The following RAB1A variants were observed in gnomAD, a reference collection of about 807,000 sequenced individuals.
The protein encoded by RAB1A is RAB1A, member RAS oncogene family.
A neutral mutation model predicts 26.0 loss-of-function variants in RAB1A; 2 were observed. The ratio of observed to expected loss-of-function variants is 0.08; its 90% CI spans 0.03 to 0.24. The LOEUF is 0.24. Ranked by LOEUF, RAB1A falls within the 10% of genes least tolerant of loss-of-function variation. RAB1A has a pLI of 1.00. For synonymous variants in RAB1A, 84 were observed against 84.9 expected, an observed-to-expected ratio of 0.99 and a Z score of 0.06; for missense variants, 100 against 247.0, an observed-to-expected ratio of 0.40 and a Z score of 3.99.
rs1242203669 is a variant in RAB1A, at chr2:65,086,868, T to C, written c.*1625A>G. 1 of 152,670 alleles carries C rather than the reference T, an allele frequency of 6.6e-6. No individual in the cohort carries two copies. Among genetic ancestry groups the C allele is most frequent in the Admixed American group, 6.5e-5 (1 of 15,288 alleles). 9.5% of individuals were successfully genotyped at this position (152,670 alleles called of 1,614,324 possible). A position where few individuals can be genotyped will look rare whatever the true frequency, so the allele number is the denominator to read the frequency against. ...CACGCCTATAATACAAAGTAAACTATGATTTTTATTGTGAAATTTTCATAG... is the reference window on the plus strand; with the variant it reads ...CACGCCTATAATACAAAGTAAACTACGATTTTTATTGTGAAATTTTCATAG... On this transcript the variant is annotated 3_prime_UTR_variant, in exon 6 of 6. Coordinates refer to ENST00000409784, the MANE Select transcript of RAB1A (RefSeq NM_004161.5).
intron 1 of RAB1A, among the ~76,000 whole-genome samples, chr2:65,116,080 C>G (rs541496995): frequency 6.6e-6 from 1 of 152,196 alleles, no homozygotes; most frequent in South Asian, 2.1e-4. Context: ...TTGCTTGAAC[C>G]TGTGAGGCAG....
chr2:65,096,134 C>A (rs1485525570), intron 3 of RAB1A, among the ~76,000 whole-genome samples: 3 of 150,656 alleles, frequency 2.0e-5, no homozygotes, highest in Non-Finnish European at 4.4e-5. Context: ...GCCTGGGCGA[C>A]AAAGCAAGGC....
At chr2:65,095,301 G>A (rs1437793572) in intron 3 of RAB1A, among the ~76,000 whole-genome samples, 1 of 152,038 alleles carries the variant, frequency 6.6e-6, no homozygotes, top group Non-Finnish European at 1.5e-5. Context: ...CTCCCAAAGT[G>A]CTAGGACTAT....
At chr2:65,097,411 G>A (rs1012750122) in intron 3 of RAB1A, among the ~76,000 whole-genome samples, 2 of 152,180 alleles carry the variant, frequency 1.3e-5, no homozygotes, top group South Asian at 2.1e-4. Flanking sequence ...ACCAGTAACT[G>A]TAGGCAAGTC....
intron 1 of RAB1A, among the ~76,000 whole-genome samples, chr2:65,113,380 C>A (rs368344086): frequency 5.9e-5 from 9 of 152,164 alleles, no homozygotes; most frequent in African/African-American, 2.2e-4. Flanking sequence ...GTGGTGCACA[C>A]CTGTAGTCCC....
intron 1 of RAB1A, among the ~76,000 whole-genome samples, chr2:65,125,864 CTTTTTTTT>C (rs55930968): frequency 7.2e-4 from 54 of 74,734 alleles, no homozygotes; most frequent in East Asian, 4.2e-3. Context: ...TTTCAATTGC[CTTTTTTTT>C]TTTTTTTTTT....
At chr2:65,090,467 C>A (rs999824340) in intron 4 of RAB1A, among the ~76,000 whole-genome samples, 1 of 152,136 alleles carries the variant, frequency 6.6e-6, no homozygotes, top group Non-Finnish European at 1.5e-5. Context: ...ATCGCTCTGC[C>A]CTCTCTCACA....
intron 3 of RAB1A, among the ~76,000 whole-genome samples, chr2:65,095,134 A>G (rs1669253033): frequency 6.6e-6 from 1 of 152,196 alleles, no homozygotes; most frequent in African/African-American, 2.4e-5. Context: ...AAAGAAAAAA[A>G]GAAGAATCAC....
intron 1 of RAB1A, among the ~76,000 whole-genome samples, chr2:65,112,069 C>G (rs1279308940): frequency 6.6e-6 from 1 of 151,356 alleles, no homozygotes; most frequent in Non-Finnish European, 1.5e-5. Flanking sequence ...GGCAACAGAA[C>G]AAGACTCCAT....
chr2:65,099,868 A>C (rs528201780), intron 2 of RAB1A, among the ~76,000 whole-genome samples: 1 of 152,312 alleles, frequency 6.6e-6, no homozygotes, highest in South Asian at 2.1e-4. Flanking sequence ...TAATTACAGA[A>C]AGAGGGACAA....
chr2:65,123,888 T>G (rs1338064490), intron 1 of RAB1A, among the ~76,000 whole-genome samples: 1 of 119,686 alleles, frequency 8.4e-6, no homozygotes, highest in Non-Finnish European at 1.8e-5. Context: ...ACTTCCATCT[T>G]TAAGACAACG....
intron 1 of RAB1A, among the ~76,000 whole-genome samples, chr2:65,110,160 G>A (rs914211374): frequency 2.0e-5 from 3 of 152,168 alleles, no homozygotes; most frequent in South Asian, 2.1e-4. Flanking sequence ...TACAGGAGCC[G>A]GTCGGGCTTG....
At chr2:65,104,112 G>C (rs1669500701) in intron 2 of RAB1A, among the ~76,000 whole-genome samples, 1 of 152,172 alleles carries the variant, frequency 6.6e-6, no homozygotes, top group Admixed American at 6.5e-5. Context: ...AGTTGATAAA[G>C]ACTATGAAGG....
At chr2:65,119,120 A>C (rs1669891310) in intron 1 of RAB1A, among the ~76,000 whole-genome samples, 1 of 151,614 alleles carries the variant, frequency 6.6e-6, no homozygotes, top group Non-Finnish European at 1.5e-5. Flanking sequence ...TGGGAGGATC[A>C]CCAGAGCCTG....
chr2:65,124,781 T>C (rs190114981), intron 1 of RAB1A, among the ~76,000 whole-genome samples: 28 of 152,244 alleles, frequency 1.8e-4, no homozygotes, highest in African/African-American at 6.7e-4. Flanking sequence ...TACAAGATTA[T>C]CTCATCATCT....
At chr2:65,129,491 C>A (rs1670186762) in intron 1 of RAB1A, among the ~76,000 whole-genome samples, 1 of 152,150 alleles carries the variant, frequency 6.6e-6, no homozygotes, top group South Asian at 2.1e-4. Context: ...AGAGTGCGGG[C>A]GCAGGGTCTG....
chr2:65,108,946 T>C (rs1669627370), intron 1 of RAB1A, among the ~76,000 whole-genome samples: 1 of 152,198 alleles, frequency 6.6e-6, no homozygotes, highest in Admixed American at 6.6e-5. Flanking sequence ...CGCAAACCAT[T>C]TGTTTACTAA....
intron 1 of RAB1A, among the ~76,000 whole-genome samples, chr2:65,111,704 A>G (rs890494283): frequency 6.6e-6 from 1 of 152,268 alleles, no homozygotes; most frequent in African/African-American, 2.4e-5. Flanking sequence ...AGGGTATACA[A>G]GAACTCCACA....
chr2:65,095,329 C>A (rs1669258331), intron 3 of RAB1A, among the ~76,000 whole-genome samples: 1 of 151,916 alleles, frequency 6.6e-6, no homozygotes, highest in Non-Finnish European at 1.5e-5. Flanking sequence ...AACCACGACG[C>A]CCGGACAGCC....
Sources: gnomAD v4.1 joint callset for allele counts (sites outside exome capture counted in the v4.1 genomes callset) on GRCh38, gnomAD v4.1.1 for gene constraint, MANE v1.5 for transcripts, NCBI Gene and HGNC (gene_info 2026-07-23, HGNC 2026-07-21) for gene names.